Variants in ACOX3 observed in about 807,000 individuals in gnomAD.
The protein encoded by ACOX3 is peroxisomal acyl-coenzyme A oxidase 3.
Under a neutral mutation model 81.5 loss-of-function variants are expected in ACOX3, and 73 were observed. The observed-to-expected ratio is 0.90, with a 90% confidence interval of 0.74 to 1.09. The LOEUF (loss-of-function observed/expected upper bound fraction) is 1.09. Ranked by LOEUF, ACOX3 falls within the 50% of genes least tolerant of loss-of-function variation. The pLI is 0.00. For synonymous variants in ACOX3, 387 were observed against 375.1 expected (o/e 1.03, Z -0.37); for missense variants, 947 against 928.0 (o/e 1.02, Z -0.27).
rs1056887479 is a variant in ACOX3, at chr4:8,394,715, C to T, written c.1084G>A (p.Ala362Thr). The change falls in exon 10 of 18, where the codon GCT becomes ACT. Residue 362 changes from alanine to threonine, a missense_variant. Ala to Thr is a moderately conservative substitution (Grantham distance 58, BLOSUM62 0). Coordinates refer to ENST00000356406, the MANE Select transcript of ACOX3 (RefSeq NM_003501.3). This position sits in a 1 kb window ranked among gnomAD's most constrained non-coding sequence, Gnocchi z 5.9. ...GAGAAATGGTCTAAGGCGTAGACAG[C>T]TGCCAGATATGGAAGCAAGCGCCAT... ...QQWRLLPYLA[A>T]VYALDHFSKS... 6.2e-7 allele frequency: 1 copy of T among 1,613,686 alleles called. No individual in the cohort carries two copies. Among genetic ancestry groups the T allele is most frequent in the Non-Finnish European group, 8.5e-7 (1 of 1,179,864 alleles).
At chr4:8,425,819 T>C (rs1041091932) in intron 1 of ACOX3, among the ~76,000 whole-genome samples, 1 of 151,984 alleles carries the variant, frequency 6.6e-6, no homozygotes, top group Non-Finnish European at 1.5e-5. Flanking sequence ...CCCTGAGACT[T>C]ACAGAGTGAC....
intron 16 of ACOX3, 85 bp downstream of exon 16, chr4:8,373,476 G>T: frequency 2.8e-6 from 4 of 1,427,654 alleles, no homozygotes; most frequent in Non-Finnish European, 3.9e-6. Context: ...GTGCGTGTCG[G>T]TCTGGGTGAT....
chr4:8,410,852 G>C (rs1027236446), intron 5 of ACOX3, among the ~76,000 whole-genome samples: 1 of 152,216 alleles, frequency 6.6e-6, no homozygotes, highest in Non-Finnish European at 1.5e-5. Flanking sequence ...CAAATGCCCC[G>C]AGCACAAGGC....
chr4:8,378,594 GC>G (rs1228248590), intron 14 of ACOX3, among the ~76,000 whole-genome samples: 1 of 151,846 alleles, frequency 6.6e-6, no homozygotes, highest in African/African-American at 2.4e-5. Flanking sequence ...GAGGCAGGCT[GC>G]GGGGACGCCA....
chr4:8,371,065 C>T, intron 16 of ACOX3, 71 bp from the exon 17 acceptor site: 1 of 1,470,984 alleles, frequency 6.8e-7, no homozygotes, highest in South Asian at 1.2e-5. Flanking sequence ...CATAACAGCC[C>T]CGTGTGTGGT....
chr4:8,416,611 G>C lies in ACOX3; in HGVS notation c.-14-76C>G. ...ACTACCCCCACCAACAGGAGAGCCC[G>C]CAACACCTTACAAATCAGAGAAAAG... is the stretch of plus-strand genomic sequence containing the variant. On this transcript the variant is annotated intron_variant, in intron 1 of 17. Coordinates refer to ENST00000356406, the MANE Select transcript of ACOX3 (RefSeq NM_003501.3). The surrounding 1 kb of genome is among the most constrained non-coding windows in gnomAD (Gnocchi z 4.2). 7.0e-7 allele frequency: 1 copy of C among 1,423,836 alleles called. No homozygotes were observed. The highest frequency in any genetic ancestry group is 9.3e-7 in the Non-Finnish European group (1 of 1,073,254). 88.2% of individuals were successfully genotyped at this position (1,423,836 alleles called of 1,614,324 possible). A position where few individuals can be genotyped will look rare whatever the true frequency, so the allele number is the denominator to read the frequency against.
intron 15 of ACOX3, 159 bp downstream of exon 15, chr4:8,374,819 C>T: frequency 1.3e-6 from 1 of 781,836 alleles, no homozygotes; most frequent in Non-Finnish European, 1.9e-6. Context: ...CCATATGCTT[C>T]TCATTATGGA....
rs113743805 is a variant in ACOX3 at position 8,392,366 on chromosome 4, G to A, written c.1267C>T (p.Arg423Trp). 1.7e-5 allele frequency: 28 copies of A among 1,605,958 alleles called. No homozygotes were observed. In the Admixed American group the frequency reaches 2.6e-4, roughly 15 times the overall value. ...TAGCCGTGTCCTCCACACGCCTCCC[G>A]GCATTCCTGAATTCCTTGCTGGGTG... ...WTTQQGIQEC[R>W]EACGGHGYLA... is the part of the protein sequence containing the mutation. Residue 423 changes from arginine (R) to tryptophan (W), a missense_variant, in exon 11 of 18, where the codon CGG becomes TGG. Physicochemically the swap from Arg to Trp is moderately radical, Grantham distance 101 (BLOSUM62 -3). Coordinates refer to ENST00000356406, the MANE Select transcript of ACOX3 (RefSeq NM_003501.3).
chr4:8,398,526 C>T (rs778199996), intron 8 of ACOX3, among the ~76,000 whole-genome samples: 5 of 152,108 alleles, frequency 3.3e-5, no homozygotes, highest in East Asian at 1.9e-4. Context: ...CTGTTGCCCA[C>T]GCTGGAGTGC....
At chr4:8,420,876 C>T (rs1003611556) in intron 1 of ACOX3, among the ~76,000 whole-genome samples, 3 of 152,210 alleles carry the variant, frequency 2.0e-5, no homozygotes, top group Non-Finnish European at 1.5e-5. Context: ...AGAGGCTCAC[C>T]ATTGTTCCTG....
At position 8,437,214 on chromosome 4, in the gene ACOX3, A is replaced by C. The variant is rs774340825; in HGVS notation, c.-15+3434T>G. Among the ~76,000 whole-genome samples the C allele has an allele frequency of 1.4e-4, 21 of 150,816 alleles. No individual in the cohort carries two copies. Among genetic ancestry groups the C allele is most frequent in the Non-Finnish European group, 2.8e-4 (19 of 67,840 alleles). On this transcript the variant is annotated intron_variant, in intron 1 of 17. Coordinates refer to ENST00000356406, the MANE Select transcript of ACOX3 (RefSeq NM_003501.3). This position sits in a 1 kb window ranked among gnomAD's most constrained non-coding sequence, Gnocchi z 5.2. ...CATCAAGCAGAAGCTACAGGCATGAATATCACCCAGTCTATAAAAGTGGCC... is the reference window on the plus strand; with the variant it reads ...CATCAAGCAGAAGCTACAGGCATGACTATCACCCAGTCTATAAAAGTGGCC...
At chr4:8,360,342 G>A in the ACOX3 span, among the ~76,000 whole-genome samples, 2 of 152,130 alleles carry the variant, frequency 1.3e-5, no homozygotes, top group East Asian at 1.9e-4. Context: ...AGTAATCTTT[G>A]GGAAATAAGG....
rs565968219 is a variant in ACOX3 at position 8,394,380 on chromosome 4, T to C, written c.1179+240A>G. 7.7e-4 allele frequency among the ~76,000 whole-genome samples: 117 copies of C among 152,286 alleles called. 1 individual carries two copies. The highest frequency in any genetic ancestry group is 2.6e-3 in the African/African-American group (110 of 41,556). On this transcript the variant is annotated intron_variant, in intron 10 of 17. Coordinates refer to ENST00000356406, the MANE Select transcript of ACOX3 (RefSeq NM_003501.3). This position sits in a 1 kb window ranked among gnomAD's most constrained non-coding sequence, Gnocchi z 5.9. ...CTCAAAAGGAGACCAACAGCTGAAC[T>C]CACAGACTGGAACCGGGAGTCGTGT...
chr4:8,391,818 G>C (rs79626750), intron 11 of ACOX3, among the ~76,000 whole-genome samples: 3,394 of 152,292 alleles, frequency 0.022, 57 homozygotes, highest in South Asian at 0.063. Flanking sequence ...GGTGGCCTCC[G>C]CTCTTAACCA....
rs993565803 is a variant in ACOX3 at position 8,386,641 on chromosome 4, CACCCA to C, written c.1537+2527_1537+2531del. Among the ~76,000 whole-genome samples the C allele has an allele frequency of 3.9e-5, 6 of 151,982 alleles. No individual in the cohort carries two copies. The highest frequency in any genetic ancestry group is 1.4e-4 in the African/African-American group (6 of 41,384). ...CAAACGTGTCCCCGTTTCCCACTGG[CACCCA>C]AAAAGGCAGGCTAAGATCTGCACGG... is the stretch of plus-strand genomic sequence containing the variant. On this transcript the variant is annotated intron_variant, in intron 13 of 17. Transcript: ENST00000356406. This position sits in a 1 kb window ranked among gnomAD's most constrained non-coding sequence, Gnocchi z 5.2.
chr4:8,392,208 C>T (rs1719076620), intron 11 of ACOX3, 125 bp downstream of exon 11: 2 of 1,265,158 alleles, frequency 1.6e-6, no homozygotes, highest in African/African-American at 1.5e-5. Context: ...TCCAATAAAA[C>T]TTTATTTGCA....
downstream of ACOX3, among the ~76,000 whole-genome samples, chr4:8,363,369 A>G (rs1181359041): frequency 6.6e-6 from 1 of 152,230 alleles, no homozygotes; most frequent in African/African-American, 2.4e-5. Flanking sequence ...AATCTTTCAT[A>G]TATCACCTTT....
Position 8,381,865 on chromosome 4 carries a change from A to G in ACOX3, c.1538-258T>C, listed in dbSNP as rs1163791290. Among the ~76,000 whole-genome samples, 1 of 152,240 alleles carries G rather than the reference A, an allele frequency of 6.6e-6. No individual in the cohort carries two copies. Among genetic ancestry groups the G allele is most frequent in the Admixed American group, 6.5e-5 (1 of 15,288 alleles). ...GTCCTGAGTTCTACACTGTTCCAGC[A>G]GCCTGGAGGCCACAGGAACACGGTG... On this transcript the variant is annotated intron_variant, in intron 13 of 17. Coordinates refer to ENST00000356406, the MANE Select transcript of ACOX3 (RefSeq NM_003501.3). This position sits in a 1 kb window ranked among gnomAD's most constrained non-coding sequence, Gnocchi z 4.3.
At chr4:8,375,176 A>C (rs1290467793) in intron 14 of ACOX3, 24 bp from the exon 15 acceptor site, 2 of 1,512,160 alleles carry the variant, frequency 1.3e-6, no homozygotes, top group East Asian at 5.0e-5. Flanking sequence ...CGGCACCGTG[A>C]GGACCGTGAG....
Sources: gnomAD v4.1 joint callset for allele counts (sites outside exome capture counted in the v4.1 genomes callset) on GRCh38, gnomAD v4.1.1 for gene constraint, Gnocchi (gnomAD v3.1) non-coding constraint, MANE v1.5 for transcripts, NCBI Gene and HGNC (gene_info 2026-07-23, HGNC 2026-07-21) for gene names.